The following TMEM132B variants were observed in gnomAD, a reference collection of about 807,000 sequenced individuals.
TMEM132B encodes the protein transmembrane protein 132B.
A neutral mutation model predicts 90.8 loss-of-function variants in TMEM132B; 18 were observed. The ratio of observed to expected loss-of-function variants is 0.20; its 90% confidence interval spans 0.14 to 0.29. The LOEUF is 0.29. Ranked by LOEUF, TMEM132B falls within the 10% of genes least tolerant of loss-of-function variation. TMEM132B has a pLI of 1.00. For missense variants in TMEM132B, 1,096 were observed against 1,326.8 expected, an observed-to-expected ratio of 0.83 and a Z score of 2.70; for synonymous variants, 504 against 523.3, an observed-to-expected ratio of 0.96 and a Z score of 0.50.
chr12:125,469,785 A>G (rs1037829865), intron 3 of TMEM132B, among the ~76,000 whole-genome samples: 3 of 152,190 alleles, frequency 2.0e-5, no homozygotes, highest in South Asian at 2.1e-4. Flanking sequence ...ACATAAAAGT[A>G]TTCTTTCTCT....
intron 5 of TMEM132B, among the ~76,000 whole-genome samples, chr12:125,617,411 T>C (rs1886014722): frequency 6.7e-6 from 1 of 149,778 alleles, no homozygotes; most frequent in Non-Finnish European, 1.5e-5. Flanking sequence ...AGTGGCGCCA[T>C]CTCGGCTCAC....
chr12:125,450,106 T>A (rs532772015), intron 3 of TMEM132B, among the ~76,000 whole-genome samples: 26 of 152,330 alleles, frequency 1.7e-4, no homozygotes, highest in Non-Finnish European at 2.2e-4. Context: ...TTTAGCTCTG[T>A]TCAGTAGAAG....
chr12:125,443,914 G>A (rs976618871), intron 3 of TMEM132B, among the ~76,000 whole-genome samples: 6 of 152,020 alleles, frequency 3.9e-5, no homozygotes, highest in African/African-American at 1.4e-4. Context: ...ATTGGGAAGG[G>A]CAGGGGTGAT....
intron 3 of TMEM132B, among the ~76,000 whole-genome samples, chr12:125,462,676 T>C (rs547344660): frequency 1.3e-5 from 2 of 152,270 alleles, no homozygotes; most frequent in South Asian, 4.1e-4. Flanking sequence ...TCGGAGTAGA[T>C]GTTGACATAT....
chr12:125,271,122 T>C (rs969836806), intron 1 of TMEM132B, among the ~76,000 whole-genome samples: 2 of 152,110 alleles, frequency 1.3e-5, no homozygotes, highest in Admixed American at 6.5e-5. Flanking sequence ...CATACCCTGC[T>C]AATTTTTAAT....
intron 8 of TMEM132B, 136 bp from the exon 9 acceptor site, chr12:125,653,429 C>G: frequency 9.9e-7 from 1 of 1,006,804 alleles, no homozygotes; most frequent in South Asian, 1.8e-5. Context: ...CAAGGCATAA[C>G]AAGAACTGTT....
chr12:125,510,044 G>A (rs1178352353), intron 3 of TMEM132B, among the ~76,000 whole-genome samples: 1 of 152,226 alleles, frequency 6.6e-6, no homozygotes, highest in Non-Finnish European at 1.5e-5. Flanking sequence ...AGAACGTGGT[G>A]TAAGATGATT....
chr12:125,209,603 C>T lies in TMEM132B; in HGVS notation c.67+22737C>T, dbSNP rs538739297. Reference sequence around the variant, plus strand: ...CTTGGGAGCATGGAGACACTCGTTCCTTGTCTCTCCAACCCACCGGCCATT... The same window carrying T: ...CTTGGGAGCATGGAGACACTCGTTCTTTGTCTCTCCAACCCACCGGCCATT... On this transcript the variant is annotated intron_variant, in intron 1 of 8. Coordinates refer to ENST00000682704, the MANE Select transcript of TMEM132B (RefSeq NM_001366854.1). This position sits in a 1 kb window ranked among gnomAD's most constrained non-coding sequence, Gnocchi z 4.4. Among the ~76,000 whole-genome samples, 13 of 152,222 alleles carry T rather than the reference C, an allele frequency of 8.5e-5. No homozygotes were observed. Among genetic ancestry groups the T allele is most frequent in the Non-Finnish European group, 1.6e-4 (11 of 68,040 alleles).
chr12:125,412,617 A>G (rs372929), intron 2 of TMEM132B, among the ~76,000 whole-genome samples: 29,146 of 152,110 alleles, frequency 0.19, 4,230 homozygotes, highest in African/African-American at 0.41. Flanking sequence ...AACAACGGTG[A>G]CAGGCCTGGC....
At chr12:125,580,418 G>T (rs1404423542) in intron 4 of TMEM132B, among the ~76,000 whole-genome samples, 4 of 152,132 alleles carry the variant, frequency 2.6e-5, no homozygotes, top group South Asian at 2.1e-4. Flanking sequence ...TTGCAAGTGG[G>T]TTTTTTCAGG....
At chr12:125,603,097 C>CA (rs530759815) in intron 5 of TMEM132B, among the ~76,000 whole-genome samples, 208 of 152,162 alleles carry the variant, frequency 1.4e-3, no homozygotes, top group African/African-American at 4.9e-3. Flanking sequence ...ACAGAATTAG[C>CA]AAAAACTACT....
chr12:125,455,979 C>G (rs1376672452), intron 3 of TMEM132B, among the ~76,000 whole-genome samples: 1 of 152,150 alleles, frequency 6.6e-6, no homozygotes, highest in Non-Finnish European at 1.5e-5. Flanking sequence ...AAGCCATGCT[C>G]TGTTGCAACT....
intron 1 of TMEM132B, among the ~76,000 whole-genome samples, chr12:125,249,557 C>T (rs185448450): frequency 7.9e-5 from 12 of 152,226 alleles, no homozygotes; most frequent in African/African-American, 2.6e-4. Flanking sequence ...TATGAGATGG[C>T]GATGAAGATG....
chr12:125,254,861 T>G (rs1874400071), intron 1 of TMEM132B, among the ~76,000 whole-genome samples: 1 of 151,962 alleles, frequency 6.6e-6, no homozygotes, highest in African/African-American at 2.4e-5. Context: ...TACTTTGTGT[T>G]TTTAGTAGAG....
At position 125,648,531 on chromosome 12, in the gene TMEM132B, T is replaced by G. The variant is rs908622123; in HGVS notation, c.1644-2152T>G. Among the ~76,000 whole-genome samples, 69 of 66,024 alleles carry G rather than the reference T, an allele frequency of 1.0e-3. 1 individual carries two copies. Among genetic ancestry groups the G allele is most frequent in the African/African-American group, 6.0e-3 (67 of 11,212 alleles). 43.3% of individuals were successfully genotyped at this position (66,024 alleles called of 152,430 possible). ...CATAAAGAGTGTATAAGATCTCCTG[T>G]TTTTTTTTTTTTTTCTGTTGTTGTT... On this transcript the variant is annotated intron_variant, in intron 6 of 8. Coordinates refer to ENST00000682704, the MANE Select transcript of TMEM132B (RefSeq NM_001366854.1).
intron 5 of TMEM132B, among the ~76,000 whole-genome samples, chr12:125,631,005 CT>C (rs1886356961): frequency 6.6e-6 from 1 of 152,014 alleles, no homozygotes; most frequent in Non-Finnish European, 1.5e-5. Flanking sequence ...CTGCTCCAAT[CT>C]TTATTTCTGT....
intron 1 of TMEM132B, among the ~76,000 whole-genome samples, chr12:125,307,896 AAT>A (rs1399461959): frequency 2.1e-5 from 2 of 96,176 alleles, no homozygotes; most frequent in East Asian, 2.8e-4. Flanking sequence ...TATATTACTA[AAT>A]ATATATATTA....
intron 1 of TMEM132B, among the ~76,000 whole-genome samples, chr12:125,348,642 G>T (rs1877448792): frequency 6.6e-6 from 1 of 151,994 alleles, no homozygotes; most frequent in Non-Finnish European, 1.5e-5. Context: ...GCGGTGCTTT[G>T]TACTTATTAA....
chr12:125,356,284 G>C (rs191856971), intron 2 of TMEM132B, among the ~76,000 whole-genome samples: 1 of 152,204 alleles, frequency 6.6e-6, no homozygotes, highest in South Asian at 2.1e-4. Flanking sequence ...TCCTGACTCT[G>C]CCACATACCA....
Sources: allele counts gnomAD v4.1 joint callset (sites outside exome capture counted in the v4.1 genomes callset), GRCh38; gene constraint gnomAD v4.1.1; non-coding constraint Gnocchi (gnomAD v3.1); transcripts MANE v1.5; gene names NCBI Gene and HGNC (gene_info 2026-07-23, HGNC 2026-07-21).